Variants in KCNMA1 observed in about 807,000 individuals in gnomAD.
The protein encoded by KCNMA1 is potassium calcium-activated channel subfamily M alpha 1.
In KCNMA1, 29 loss-of-function variants were observed where a neutral mutation model predicts 140.0. The ratio of observed to expected loss-of-function variants is 0.21; its 90% CI spans 0.15 to 0.28. KCNMA1 has a LOEUF of 0.28. Among genes scored for constraint, KCNMA1 ranks in the 10% least tolerant of loss-of-function variants. KCNMA1 has a pLI of 1.00. For missense variants in KCNMA1, 880 were observed against 1,602.2 expected (o/e 0.55, Z 7.70); for synonymous variants, 612 against 611.9 (o/e 1.00, Z 0.00).
intron 3 of KCNMA1, among the ~76,000 whole-genome samples, chr10:77,221,345 C>T (rs2049600181): frequency 1.3e-5 from 2 of 152,066 alleles, no homozygotes; most frequent in South Asian, 4.1e-4. Flanking sequence ...CCAAGGACTG[C>T]CCTAGGCCTA....
At chr10:77,359,158 C>A (rs1027076197) in intron 2 of KCNMA1, among the ~76,000 whole-genome samples, 4 of 152,206 alleles carry the variant, frequency 2.6e-5, no homozygotes, top group African/African-American at 4.8e-5. Context: ...GTCCCCTCAA[C>A]CCAGAGGTGT....
chr10:76,915,531 C>T (rs530718684), intron 23 of KCNMA1, among the ~76,000 whole-genome samples: 31 of 152,264 alleles, frequency 2.0e-4, no homozygotes, highest in African/African-American at 7.0e-4. Flanking sequence ...TAGACAACAG[C>T]CCTGGACAGT....
At chr10:77,255,333 C>A (rs35311171) in intron 2 of KCNMA1, among the ~76,000 whole-genome samples, 25,014 of 152,134 alleles carry the variant, frequency 0.16, 2,372 homozygotes, top group Middle Eastern at 0.22. Flanking sequence ...GGTGCAGTGG[C>A]TCATGCCTGT....
intron 1 of KCNMA1, among the ~76,000 whole-genome samples, chr10:77,419,049 C>T (rs562699143): frequency 1.3e-5 from 2 of 152,254 alleles, no homozygotes; most frequent in East Asian, 1.9e-4. Flanking sequence ...TTGTTAGTGC[C>T]GCCACACTCT....
rs1406186600 is a variant in KCNMA1, at chr10:77,026,780, TC to T, written c.1928+1042del. 6.6e-5 allele frequency among the ~76,000 whole-genome samples: 10 copies of T among 152,214 alleles called. No homozygotes were observed. The South Asian group carries it at 8.3e-4, about 13-fold the overall frequency. On this transcript the variant is annotated intron_variant, in intron 16 of 27. Transcript: ENST00000286628. ...TTGATCTGTTTACAATCCAGTGTTT[TC>T]TTTTCTTTTGTTTTGTCTTGTCATA...
intron 2 of KCNMA1, among the ~76,000 whole-genome samples, chr10:77,294,097 C>T (rs1283491359): frequency 1.3e-5 from 2 of 152,240 alleles, no homozygotes; most frequent in Non-Finnish European, 2.9e-5. Context: ...GCTCCAGCAA[C>T]GTGGACAGAC....
intron 5 of KCNMA1, among the ~76,000 whole-genome samples, chr10:77,178,581 T>G (rs573646764): frequency 3.7e-4 from 57 of 152,222 alleles, no homozygotes; most frequent in African/African-American, 1.2e-3. Context: ...GGCAAGTGCC[T>G]GTAATCTGAG....
intron 17 of KCNMA1, among the ~76,000 whole-genome samples, chr10:77,018,606 T>C (rs772430573): frequency 4.6e-5 from 7 of 152,164 alleles, no homozygotes; most frequent in Non-Finnish European, 8.8e-5. Context: ...CTTTTGAAAT[T>C]CTATTTGGCA....
At chr10:76,919,657 C>T (rs10762735) in intron 23 of KCNMA1, among the ~76,000 whole-genome samples, 123,521 of 152,034 alleles carry the variant, frequency 0.81, 50,421 homozygotes, top group Middle Eastern at 0.91. Context: ...GCACCTCCAC[C>T]TATAAGCCAT....
At chr10:77,351,628 G>T (rs1481535015) in intron 2 of KCNMA1, among the ~76,000 whole-genome samples, 7 of 152,094 alleles carry the variant, frequency 4.6e-5, no homozygotes, top group Non-Finnish European at 8.8e-5. Context: ...CTCCCAGGGG[G>T]AAAAGAATTC....
intron 2 of KCNMA1, among the ~76,000 whole-genome samples, chr10:77,274,909 A>T (rs932415419): frequency 6.6e-6 from 1 of 152,214 alleles, no homozygotes; most frequent in African/African-American, 2.4e-5. Flanking sequence ...TGAGAAGGGA[A>T]GTGATGAAGA....
intron 14 of KCNMA1, among the ~76,000 whole-genome samples, chr10:77,050,092 C>T (rs905630644): frequency 4.6e-5 from 7 of 152,088 alleles, no homozygotes; most frequent in South Asian, 2.1e-4. Flanking sequence ...CATCTCATGC[C>T]TATTCTATCT....
chr10:77,294,941 T>C (rs2074455966), intron 2 of KCNMA1, among the ~76,000 whole-genome samples: 1 of 151,898 alleles, frequency 6.6e-6, no homozygotes, highest in Non-Finnish European at 1.5e-5. Context: ...AGAAACAATC[T>C]ATTGATAAGG....
chr10:77,530,137 A>T (rs2057251435), intron 1 of KCNMA1, among the ~76,000 whole-genome samples: 1 of 152,222 alleles, frequency 6.6e-6, no homozygotes, highest in Non-Finnish European at 1.5e-5. Context: ...CGAGAAGGCC[A>T]GAGACACAGG....
chr10:77,495,250 C>T (rs937000722), intron 1 of KCNMA1, among the ~76,000 whole-genome samples: 5 of 152,208 alleles, frequency 3.3e-5, no homozygotes, highest in South Asian at 2.1e-4. Context: ...AGGAGCTTCC[C>T]GGTTCCAGCC....
intron 1 of KCNMA1, among the ~76,000 whole-genome samples, chr10:77,632,590 G>C (rs1288118134): frequency 6.6e-6 from 1 of 152,140 alleles, no homozygotes; most frequent in South Asian, 2.1e-4. Context: ...TTCCAGCCTT[G>C]CAACAGCCAA....
At chr10:76,872,603 C>T (rs1341916435), downstream of KCNMA1, 1 of 152,176 alleles carries the variant, frequency 6.6e-6, no homozygotes, top group African/African-American at 2.4e-5. Context: ...TCACAGTAGA[C>T]AAAATAGTCA....
In KCNMA1 at chr10:77,637,588, CGCCGCCGCCGCCGCCGCCGCTGCT is replaced by C. The variant is rs587780364; in HGVS notation, c.31_54del (p.Ser11_Gly18del). ...CTACTCATTCTAAGACTGCTGCCTC[CGCCGCCGCCGCCGCCGCCGCTGCT>C]GCCGCCGCCGCCGCCGCCACCATTT... On this transcript the variant is annotated inframe_deletion, in exon 1 of 28. Coordinates refer to ENST00000286628, the MANE Select transcript of KCNMA1 (RefSeq NM_001161352.2). 86 of 1,464,548 alleles carry C rather than the reference CGCCGCCGCCGCCGCCGCCGCTGCT, an allele frequency of 5.9e-5. No individual in the cohort carries two copies. The highest frequency in any genetic ancestry group is 3.9e-4 in the Admixed American group (18 of 46,462). The allele number at this position is 1,464,548 out of a possible 1,614,324, so 90.7% of individuals were successfully genotyped here.
intron 3 of KCNMA1, among the ~76,000 whole-genome samples, chr10:77,189,672 G>T (rs1407929876): frequency 6.6e-6 from 1 of 152,084 alleles, no homozygotes; most frequent in African/African-American, 2.4e-5. Context: ...ATCATTTTGT[G>T]AAATAATTTC....
Sources: allele counts gnomAD v4.1 joint callset (sites outside exome capture counted in the v4.1 genomes callset), GRCh38; gene constraint gnomAD v4.1.1; transcripts MANE v1.5; gene names NCBI Gene and HGNC (gene_info 2026-07-23, HGNC 2026-07-21).